Variants in TMCO5A observed in about 807,000 individuals in gnomAD.
The protein encoded by TMCO5A is transmembrane and coiled-coil domain-containing protein 5A.
Under a neutral mutation model 42.3 loss-of-function variants are expected in TMCO5A, and 34 were observed. The observed-to-expected ratio is 0.80, with a 90% CI of 0.61 to 1.07. The LOEUF is 1.07. Among genes scored for constraint, TMCO5A ranks in the 50% least tolerant of loss-of-function variants. The probability of loss-of-function intolerance (pLI) is 0.00; values close to 1 mark genes in which losing one functional copy is unlikely to be tolerated. For missense variants in TMCO5A, 357 were observed against 327.9 expected, an observed-to-expected ratio of 1.09 and a Z score of -0.69; for synonymous variants, 131 against 115.6, an observed-to-expected ratio of 1.13 and a Z score of -0.86.
chr15:37,968,357 C>T (rs765103228), downstream of TMCO5A, among the ~76,000 whole-genome samples: 1 of 152,118 alleles, frequency 6.6e-6, no homozygotes, highest in Non-Finnish European at 1.5e-5. Flanking sequence ...AGACTCACCA[C>T]CCAAACGCAA....
At chr15:37,939,054 G>T (rs1333553126) in intron 6 of TMCO5A, among the ~76,000 whole-genome samples, 1 of 152,054 alleles carries the variant, frequency 6.6e-6, no homozygotes, top group East Asian at 1.9e-4. Context: ...CAACGTGCAG[G>T]TTTGTTACAT....
At chr15:38,002,600 T>G in the TMCO5A span, among the ~76,000 whole-genome samples, 82 of 152,238 alleles carry the variant, frequency 5.4e-4, no homozygotes, top group African/African-American at 1.7e-3. Flanking sequence ...TCAAGCTCAC[T>G]AATTCTTCTG....
the TMCO5A span, among the ~76,000 whole-genome samples, chr15:38,036,703 C>T: frequency 1.3e-5 from 2 of 152,160 alleles, no homozygotes; most frequent in Non-Finnish European, 2.9e-5. Flanking sequence ...TCCGTCAAGA[C>T]CCAACTAAAA....
intron 11 of TMCO5A, among the ~76,000 whole-genome samples, chr15:37,948,054 G>T (rs1326857412): frequency 6.6e-6 from 1 of 152,000 alleles, no homozygotes; most frequent in Non-Finnish European, 1.5e-5. Flanking sequence ...AGTACCATTG[G>T]TAGATTAGAA....
chr15:37,975,379 T>C, the TMCO5A span, among the ~76,000 whole-genome samples: 239 of 151,734 alleles, frequency 1.6e-3, 12 homozygotes, highest in African/African-American at 4.9e-3. Flanking sequence ...TAAGTCTCTT[T>C]GTAGGTCTTT....
downstream of TMCO5A, among the ~76,000 whole-genome samples, chr15:37,954,968 A>G (rs572912350): frequency 6.6e-6 from 1 of 152,190 alleles, no homozygotes; most frequent in South Asian, 2.1e-4. Context: ...ATGCAAAAGA[A>G]AAACTAAATT....
downstream of TMCO5A, among the ~76,000 whole-genome samples, chr15:37,952,062 C>G (rs1209418146): frequency 6.6e-6 from 1 of 152,180 alleles, no homozygotes. Flanking sequence ...CTAATTTAAA[C>G]CAGCCCTAGC....
the TMCO5A span, among the ~76,000 whole-genome samples, chr15:37,992,642 T>C: frequency 3.9e-5 from 6 of 152,318 alleles, no homozygotes; most frequent in African/African-American, 9.6e-5. Context: ...GTGGTATACA[T>C]ACATTGTGGA....
At chr15:37,971,291 C>G (rs1409821786), downstream of TMCO5A, among the ~76,000 whole-genome samples, 1 of 152,188 alleles carries the variant, frequency 6.6e-6, no homozygotes, top group Non-Finnish European at 1.5e-5. Context: ...AAGCAACAGA[C>G]TGAGCTGCAC....
chr15:37,974,685 T>C, the TMCO5A span, among the ~76,000 whole-genome samples: 1 of 152,056 alleles, frequency 6.6e-6, no homozygotes, highest in Non-Finnish European at 1.5e-5. Flanking sequence ...TCTTATTCTT[T>C]CAAAAAACCA....
chr15:38,020,869 T>C, the TMCO5A span, among the ~76,000 whole-genome samples: 12 of 152,272 alleles, frequency 7.9e-5, no homozygotes, highest in African/African-American at 1.4e-4. Flanking sequence ...AATAAAATTT[T>C]AGGTAAACTT....
the TMCO5A span, among the ~76,000 whole-genome samples, chr15:38,029,261 T>C: frequency 1.3e-5 from 2 of 152,032 alleles, no homozygotes; most frequent in Admixed American, 6.6e-5. Context: ...TTAGGGCTGC[T>C]ATTAAGTATA....
the TMCO5A span, among the ~76,000 whole-genome samples, chr15:37,986,675 G>A: frequency 6.6e-6 from 1 of 151,378 alleles, no homozygotes; most frequent in Non-Finnish European, 1.5e-5. Flanking sequence ...ACTACTTTAG[G>A]TACCTCATAT....
At chr15:37,941,238 C>G in intron 7 of TMCO5A, 33 bp downstream of exon 7, 1 of 1,599,142 alleles carries the variant, frequency 6.3e-7, no homozygotes, top group Non-Finnish European at 8.6e-7. Flanking sequence ...GACTTCTCCC[C>G]AAAAAGGGAA....
chr15:38,022,662 G>A, the TMCO5A span, among the ~76,000 whole-genome samples: 3 of 152,124 alleles, frequency 2.0e-5, no homozygotes, highest in African/African-American at 4.8e-5. Flanking sequence ...TGGGGTTTGG[G>A]TGATAATGAT....
the TMCO5A span, among the ~76,000 whole-genome samples, chr15:38,026,061 A>G: frequency 2.6e-5 from 4 of 152,182 alleles, no homozygotes; most frequent in Admixed American, 6.5e-5. Context: ...CAGCATGAAA[A>G]TGGACTAATA....
chr15:38,004,162 G>A, the TMCO5A span, among the ~76,000 whole-genome samples: 15 of 152,102 alleles, frequency 9.9e-5, no homozygotes, highest in African/African-American at 1.9e-4. Context: ...TCAAGACAGC[G>A]GGTTTCCTTC....
chr15:37,998,070 G>A, the TMCO5A span, among the ~76,000 whole-genome samples: 6 of 152,208 alleles, frequency 3.9e-5, no homozygotes, highest in East Asian at 3.9e-4. Context: ...CTATAGAGTC[G>A]TTTGAGCTCC....
downstream of TMCO5A, among the ~76,000 whole-genome samples, chr15:37,969,366 G>T (rs2140829368): frequency 6.6e-6 from 1 of 152,164 alleles, no homozygotes; most frequent in Non-Finnish European, 1.5e-5. Flanking sequence ...TATAACACTA[G>T]GCCTCAGAGA....
Sources: allele counts gnomAD v4.1 joint callset (sites outside exome capture counted in the v4.1 genomes callset), GRCh38; gene constraint gnomAD v4.1.1; transcripts MANE v1.5; gene names NCBI Gene and HGNC (gene_info 2026-07-23, HGNC 2026-07-21).